Variants in PPP1R1C observed in about 807,000 individuals in gnomAD.
PPP1R1C encodes protein phosphatase 1 regulatory inhibitor subunit 1C.
PPP1R1C carries 15 observed loss-of-function variants against 17.4 expected under a neutral mutation model. The observed-to-expected ratio is 0.86, with a 90% CI of 0.58 to 1.33. The LOEUF (loss-of-function observed/expected upper bound fraction) is 1.33, where lower values mean the gene tolerates loss of function less well. Among genes scored for constraint, PPP1R1C ranks in the 40% most tolerant of loss-of-function variants. The pLI is 0.00. For missense variants in PPP1R1C, 143 were observed against 130.0 expected (o/e 1.10, Z -0.48); for synonymous variants, 35 against 43.1 (o/e 0.81, Z 0.73).
intron 2 of PPP1R1C, among the ~76,000 whole-genome samples, chr2:182,044,232 T>C (rs566805936): frequency 3.9e-5 from 6 of 152,300 alleles, no homozygotes; most frequent in Admixed American, 6.5e-5. Context: ...AGAAATCTGG[T>C]CATGCCTCTT....
rs1282156252 is a variant in PPP1R1C, at chr2:181,962,035, G to A, written n.111+7401G>A. The stretch of plus-strand genomic sequence containing the variant: ...CATTGTCAATCTGCAAAACGATGCC[G>A]GCATTGTCCACAGTATTTGCGAAGA... On this transcript the variant is annotated intron_variant and non_coding_transcript_variant, in intron 1 of 5. Transcript: ENST00000464264. This position sits in a 1 kb window ranked among gnomAD's most constrained non-coding sequence, Gnocchi z 6.0. 45 of 726,772 alleles carry A rather than the reference G, an allele frequency of 6.2e-5. No individual in the cohort carries two copies. Among genetic ancestry groups the A allele is most frequent in the East Asian group, 8.1e-5 (3 of 36,812 alleles). 45.0% of individuals were successfully genotyped at this position (726,772 alleles called of 1,614,324 possible).
chr2:181,972,304 G>C (rs1685024305), intron 1 of PPP1R1C, among the ~76,000 whole-genome samples: 1 of 152,176 alleles, frequency 6.6e-6, no homozygotes, highest in African/African-American at 2.4e-5. Context: ...CAGTAAGTCA[G>C]AGAATAAATC....
chr2:182,052,856 G>C (rs559011805), intron 2 of PPP1R1C, among the ~76,000 whole-genome samples: 1 of 152,148 alleles, frequency 6.6e-6, no homozygotes, highest in East Asian at 1.9e-4. Flanking sequence ...GACTAAAATA[G>C]ACTGACTTCC....
chr2:182,040,717 G>T (rs1332225802), intron 2 of PPP1R1C, among the ~76,000 whole-genome samples: 2 of 152,128 alleles, frequency 1.3e-5, no homozygotes, highest in African/African-American at 4.8e-5. Context: ...TCTTAGTCAT[G>T]AATTCTTTGC....
chr2:182,118,940 C>T (rs1034641560), downstream of PPP1R1C, among the ~76,000 whole-genome samples: 1 of 151,488 alleles, frequency 6.6e-6, no homozygotes. Context: ...CTTTAGGGTA[C>T]ATGTGCACAA....
chr2:182,014,279 G>T (rs887914101), intron 2 of PPP1R1C, among the ~76,000 whole-genome samples: 2 of 152,194 alleles, frequency 1.3e-5, no homozygotes, highest in Non-Finnish European at 2.9e-5. Context: ...CAGTAATTCT[G>T]TGATTCTTCA....
rs1192833623 is a variant in PPP1R1C, at chr2:182,030,047, T to C, written c.143-31395T>C. ...GCATTCTTCACGTAGTTCTCGAGCC[T>C]TGGTTTTCAGCTCCATCAGCTCCTT... On this transcript the variant is annotated intron_variant, in intron 2 of 4. Transcript: ENST00000682840. 2.4e-4 allele frequency among the ~76,000 whole-genome samples: 29 copies of C among 119,956 alleles called. No individual in the cohort carries two copies. The Admixed American group carries it at 2.6e-3, about 11-fold the overall frequency. The allele number at this position is 119,956 out of a possible 152,430, so 78.7% of individuals were successfully genotyped here. A position where few individuals can be genotyped will look rare whatever the true frequency, so the allele number is the denominator to read the frequency against.
chr2:182,032,941 T>C (rs1192405066), intron 2 of PPP1R1C, among the ~76,000 whole-genome samples: 4 of 152,158 alleles, frequency 2.6e-5, no homozygotes, highest in African/African-American at 9.7e-5. Context: ...GAGACAAACT[T>C]CTTGAGAGAG....
intron 2 of PPP1R1C, among the ~76,000 whole-genome samples, chr2:182,040,809 T>C (rs1687160177): frequency 6.6e-6 from 1 of 152,240 alleles, no homozygotes; most frequent in Non-Finnish European, 1.5e-5. Flanking sequence ...AAGACTCTGA[T>C]CCATCTTGAC....
At chr2:182,014,116 A>C (rs1686174451) in intron 2 of PPP1R1C, among the ~76,000 whole-genome samples, 1 of 152,182 alleles carries the variant, frequency 6.6e-6, no homozygotes, top group Non-Finnish European at 1.5e-5. Context: ...ATTTTGGGGC[A>C]CTGAAGAATC....
At chr2:182,083,748 T>C (rs1688547292) in intron 4 of PPP1R1C, among the ~76,000 whole-genome samples, 1 of 152,196 alleles carries the variant, frequency 6.6e-6, no homozygotes, top group South Asian at 2.1e-4. Context: ...GTCTTTTTGC[T>C]ATAATGACTT....
intron 1 of PPP1R1C, among the ~76,000 whole-genome samples, chr2:181,959,604 C>A (rs1684730093): frequency 6.6e-6 from 1 of 152,014 alleles, no homozygotes; most frequent in African/African-American, 2.4e-5. Context: ...ATTTTGACAT[C>A]TGTATGTATG....
intron 2 of PPP1R1C, among the ~76,000 whole-genome samples, chr2:182,055,525 A>G (rs1687656521): frequency 6.6e-6 from 1 of 152,060 alleles, no homozygotes. Context: ...CATTTAGGGT[A>G]TATCTGCTAG....
rs1684831363 is a variant in PPP1R1C, at chr2:181,963,007, A to G, written n.111+8373A>G. 2.0e-5 allele frequency among the ~76,000 whole-genome samples: 3 copies of G among 152,178 alleles called. No individual in the cohort carries two copies. In the South Asian group the frequency reaches 6.2e-4, roughly 32 times the overall value. Reference sequence around the variant, plus strand: ...CTGCCGATCCCCAAGACTCTAAATAAAAGTTATTTGTAAACCCTGGAGGTT... The same window carrying G: ...CTGCCGATCCCCAAGACTCTAAATAGAAGTTATTTGTAAACCCTGGAGGTT... On this transcript the variant is annotated intron_variant and non_coding_transcript_variant, in intron 1 of 5. Transcript: ENST00000464264.
intron 2 of PPP1R1C, among the ~76,000 whole-genome samples, chr2:182,034,361 A>T (rs879292226): frequency 1.3e-5 from 2 of 152,178 alleles, no homozygotes; most frequent in Non-Finnish European, 2.9e-5. Flanking sequence ...CAGTCATGGA[A>T]TTAATACTTT....
intron 2 of PPP1R1C, among the ~76,000 whole-genome samples, chr2:182,022,722 T>G (rs1209275140): frequency 6.6e-6 from 1 of 152,158 alleles, no homozygotes; most frequent in Non-Finnish European, 1.5e-5. Context: ...AGTAGAAGCT[T>G]GAGAGACCAT....
At chr2:182,053,348 A>G (rs1687582847) in intron 2 of PPP1R1C, among the ~76,000 whole-genome samples, 1 of 152,350 alleles carries the variant, frequency 6.6e-6, no homozygotes, top group East Asian at 1.9e-4. Flanking sequence ...TTTGGAATGT[A>G]TAAATATAAG....
chr2:182,010,942 T>A (rs181196167), intron 2 of PPP1R1C, among the ~76,000 whole-genome samples: 261 of 152,304 alleles, frequency 1.7e-3, no homozygotes, highest in South Asian at 4.3e-3. Flanking sequence ...TTGTGTATGT[T>A]GAACCATTCT....
At chr2:182,010,577 A>C (rs1282867938) in intron 2 of PPP1R1C, among the ~76,000 whole-genome samples, 2 of 152,076 alleles carry the variant, frequency 1.3e-5, no homozygotes, top group African/African-American at 2.4e-5. Flanking sequence ...AACAAGGATA[A>C]TTTAGCTGCT....
Sources: gnomAD v4.1 joint callset for allele counts (sites outside exome capture counted in the v4.1 genomes callset) on GRCh38, gnomAD v4.1.1 for gene constraint, Gnocchi (gnomAD v3.1) non-coding constraint, MANE v1.5 for transcripts, NCBI Gene and HGNC (gene_info 2026-07-23, HGNC 2026-07-21) for gene names.